LINGO1: variants seen among roughly 807,000 people sequenced by gnomAD.
The protein encoded by LINGO1 is leucine rich repeat and Ig domain containing 1, also known as leucine-rich repeat and immunoglobulin-like domain-containing nogo receptor-interacting protein 1.
LINGO1 carries 11 observed loss-of-function variants against 37.3 expected under a neutral mutation model. The observed-to-expected ratio is 0.29, with a 90% CI of 0.19 to 0.49. The LOEUF is 0.49. Among genes scored for constraint, LINGO1 ranks in the 20% least tolerant of loss-of-function variants. LINGO1 has a pLI of 0.99. For missense variants in LINGO1, 585 were observed against 878.2 expected (o/e 0.67, Z 4.22); for synonymous variants, 387 against 403.0 (o/e 0.96, Z 0.48).
chr15:77,660,741 A>G (rs999157814), intron 3 of LINGO1, among the ~76,000 whole-genome samples: 1 of 150,290 alleles, frequency 6.7e-6, no homozygotes, highest in African/African-American at 2.5e-5. Flanking sequence ...CAGAGAGTGG[A>G]GGGTGAGTAG....
At position 77,614,590 on chromosome 15, in the gene LINGO1, G is replaced by T; in HGVS notation, c.1317C>A (p.Gly439=). ...RKAQQVFVDE[G]HTVQFVCRAD... The stretch of plus-strand genomic sequence containing the variant: ...CCCGGCACACAAACTGCACCGTGTG[G>T]CCCTCGTCCACAAACACCTGCTGGG... Residue 439 remains glycine (G), a synonymous_variant, in exon 2 of 2, where the codon GGC becomes GGA. Coordinates refer to ENST00000355300, the MANE Select transcript of LINGO1 (RefSeq NM_032808.7). The T allele has an allele frequency of 6.2e-7, 1 of 1,610,890 alleles. No individual in the cohort carries two copies. The highest frequency in any genetic ancestry group is 8.5e-7 in the Non-Finnish European group (1 of 1,178,944).
At chr15:77,740,714 G>A (rs1466698758) in intron 1 of LINGO1, among the ~76,000 whole-genome samples, 1 of 152,188 alleles carries the variant, frequency 6.6e-6, no homozygotes, top group African/African-American at 2.4e-5. Flanking sequence ...AATACACAAA[G>A]ATTTGGATAG....
intron 1 of LINGO1, among the ~76,000 whole-genome samples, chr15:77,770,910 G>A (rs550930384): frequency 2.6e-4 from 40 of 152,340 alleles, no homozygotes; most frequent in South Asian, 2.1e-3. Context: ...AAGTGGGCGC[G>A]GAAGCAGTGG....
intron 1 of LINGO1, among the ~76,000 whole-genome samples, chr15:77,743,408 A>C (rs1159645523): frequency 6.6e-6 from 1 of 152,162 alleles, no homozygotes; most frequent in East Asian, 1.9e-4. Context: ...TAAGAGGGGC[A>C]CAGATTCTTG....
At chr15:77,635,013 T>A (rs953860851), upstream of LINGO1, among the ~76,000 whole-genome samples, 1 of 152,078 alleles carries the variant, frequency 6.6e-6, no homozygotes, top group African/African-American at 2.4e-5. Context: ...GCCTCAGTGA[T>A]CTCGGCGGAG....
intron 1 of LINGO1, among the ~76,000 whole-genome samples, chr15:77,747,374 T>C (rs112079614): frequency 2.5e-4 from 38 of 152,278 alleles, no homozygotes; most frequent in African/African-American, 7.5e-4. Flanking sequence ...AGATCCATCA[T>C]GCTCAGCTCA....
intron 1 of LINGO1, among the ~76,000 whole-genome samples, chr15:77,772,240 C>G (rs767382354): frequency 1.3e-5 from 2 of 152,218 alleles, no homozygotes; most frequent in Non-Finnish European, 2.9e-5. Context: ...GGTCTCCCAC[C>G]AGGGTCAGGC....
chr15:77,696,650 C>T (rs2075698996), upstream of LINGO1, among the ~76,000 whole-genome samples: 1 of 152,224 alleles, frequency 6.6e-6, no homozygotes, highest in South Asian at 2.1e-4. Context: ...TCCAGGAAAC[C>T]CTCCCTGCCC....
In LINGO1 at chr15:77,614,699, TGG is replaced by T; in HGVS notation, c.1206_1207del (p.Gln403GlyfsTer9). On this transcript the variant is annotated frameshift_variant, in exon 2 of 2. Coordinates refer to ENST00000355300, the MANE Select transcript of LINGO1 (RefSeq NM_032808.7). LOFTEE classifies it high-confidence loss of function. ...AGGGAAGTCCTTGAACTCCTTGCCC[TGG>T]ACAAACTCGGGCGTGGCGCACGTGG... 6.2e-7 allele frequency: 1 copy of T among 1,610,848 alleles called. No individual in the cohort carries two copies. The highest frequency in any genetic ancestry group is 8.5e-7 in the Non-Finnish European group (1 of 1,178,578).
At chr15:77,691,718 C>T (rs951683997) in intron 1 of LINGO1, among the ~76,000 whole-genome samples, 15 of 151,700 alleles carry the variant, frequency 9.9e-5, no homozygotes, top group Non-Finnish European at 1.3e-4. Flanking sequence ...AAACACTCCA[C>T]GACAGAGATG....
intron 1 of LINGO1, among the ~76,000 whole-genome samples, chr15:77,765,047 T>C (rs1222884785): frequency 6.6e-6 from 1 of 152,046 alleles, no homozygotes; most frequent in Non-Finnish European, 1.5e-5. Context: ...GGACCAAGAA[T>C]GAAAGAAGAG....
intron 3 of LINGO1, among the ~76,000 whole-genome samples, chr15:77,652,646 C>T (rs953428172): frequency 6.6e-6 from 1 of 152,176 alleles, no homozygotes; most frequent in Non-Finnish European, 1.5e-5. Flanking sequence ...TGCTGTTCTC[C>T]ACCTGGAACC....
At chr15:77,634,263 G>A (rs1184750004), upstream of LINGO1, 2 of 455,952 alleles carry the variant, frequency 4.4e-6, no homozygotes, top group African/African-American at 4.0e-5. Flanking sequence ...ACAGCCCAAA[G>A]GCTTGCACAG....
chr15:77,638,381 T>TA (rs915364601), upstream of LINGO1, among the ~76,000 whole-genome samples: 91 of 152,082 alleles, frequency 6.0e-4, no homozygotes, highest in South Asian at 4.2e-4. Context: ...TGCACTCCTT[T>TA]AAAAAAAATT....
chr15:77,664,502 G>A (rs540261520), intron 3 of LINGO1, among the ~76,000 whole-genome samples: 1 of 152,216 alleles, frequency 6.6e-6, no homozygotes, highest in East Asian at 1.9e-4. Flanking sequence ...TTCCCCAGGC[G>A]CTTCCCTGGG....
At chr15:77,683,046 CAAAAA>C (rs897137418) in intron 2 of LINGO1, among the ~76,000 whole-genome samples, 11 of 151,844 alleles carry the variant, frequency 7.2e-5, no homozygotes, top group African/African-American at 2.4e-4. Context: ...AAGAAAAAGG[CAAAAA>C]GAAAAGAAAA....
chr15:77,814,846 A>G (rs2077035200), intron 1 of LINGO1, among the ~76,000 whole-genome samples: 1 of 152,184 alleles, frequency 6.6e-6, no homozygotes, highest in African/African-American at 2.4e-5. Flanking sequence ...TATGTCACAT[A>G]CACACACACT....
At chr15:77,805,905 C>G (rs1228906463) in intron 1 of LINGO1, among the ~76,000 whole-genome samples, 1 of 152,210 alleles carries the variant, frequency 6.6e-6, no homozygotes, top group Non-Finnish European at 1.5e-5. Flanking sequence ...CACCCAGAAC[C>G]ACTGATGGTC....
intron 2 of LINGO1, among the ~76,000 whole-genome samples, chr15:77,704,219 T>C (rs2075820220): frequency 6.6e-6 from 1 of 152,154 alleles, no homozygotes; most frequent in Non-Finnish European, 1.5e-5. Flanking sequence ...GGCATCAGTC[T>C]TGAGCACTTG....
Sources: gnomAD v4.1 joint callset for allele counts (sites outside exome capture counted in the v4.1 genomes callset) on GRCh38, gnomAD v4.1.1 for gene constraint, MANE v1.5 for transcripts, NCBI Gene and HGNC (gene_info 2026-07-23, HGNC 2026-07-21) for gene names.